The following TMC2 variants were observed in gnomAD, a reference collection of about 807,000 sequenced individuals.
TMC2 encodes the protein transmembrane channel-like protein 2.
A neutral mutation model predicts 105.9 loss-of-function variants in TMC2; 102 were observed. That is an observed-to-expected ratio of 0.96 (90% CI 0.82 to 1.14). The LOEUF is 1.14. Ranked by LOEUF, TMC2 falls within the 50% of genes most tolerant of loss-of-function variation. TMC2 has a pLI of 0.00. For synonymous variants in TMC2, 402 were observed against 422.8 expected (o/e 0.95, Z 0.60); for missense variants, 1,093 against 1,134.3 (o/e 0.96, Z 0.52).
Position 2,541,452 on chromosome 20 carries a change from CCAA to C in TMC2, c.82+4139_82+4141del, listed in dbSNP as rs566586034. Among the ~76,000 whole-genome samples, 23 of 151,988 alleles carry C rather than the reference CCAA, an allele frequency of 1.5e-4. No individual in the cohort carries two copies. In the East Asian group the frequency reaches 4.3e-3, roughly 28 times the overall value. On this transcript the variant is annotated intron_variant, in intron 2 of 19. Coordinates refer to ENST00000358864, the MANE Select transcript of TMC2 (RefSeq NM_080751.3). ...GGTCAGGAGTTTGAGACCAGCCTGG[CCAA>C]CATGGCAAAACCCCTTCTCTGCTAA...
At chr20:2,554,898 C>T (rs1275748221) in intron 2 of TMC2, among the ~76,000 whole-genome samples, 2 of 152,120 alleles carry the variant, frequency 1.3e-5, no homozygotes, top group Non-Finnish European at 2.9e-5. Flanking sequence ...TGAGAAGGAT[C>T]TGTTGTTGTT....
intron 4 of TMC2, among the ~76,000 whole-genome samples, chr20:2,564,878 T>C (rs1255521339): frequency 6.6e-6 from 1 of 152,176 alleles, no homozygotes; most frequent in Non-Finnish European, 1.5e-5. Context: ...GCTTCTTCCC[T>C]TCCCCAAGGC....
At chr20:2,596,988 T>C (rs2086312808) in intron 9 of TMC2, among the ~76,000 whole-genome samples, 163 bp from the exon 10 acceptor site, 1 of 152,158 alleles carries the variant, frequency 6.6e-6, no homozygotes, top group South Asian at 2.1e-4. Flanking sequence ...CTGGCTATCC[T>C]CAAAGCTGTC....
At chr20:2,594,510 G>T (rs978304451) in intron 8 of TMC2, among the ~76,000 whole-genome samples, 2 of 152,150 alleles carry the variant, frequency 1.3e-5, no homozygotes, top group Admixed American at 1.3e-4. Flanking sequence ...TTACGGGCGT[G>T]AGCCACAGTG....
intron 11 of TMC2, among the ~76,000 whole-genome samples, chr20:2,606,197 A>C (rs1187678756): frequency 6.6e-6 from 1 of 152,212 alleles, no homozygotes; most frequent in African/African-American, 2.4e-5. Flanking sequence ...CATTAACTTT[A>C]CTTAAGAATA....
intron 9 of TMC2, among the ~76,000 whole-genome samples, chr20:2,596,033 C>T (rs886845400): frequency 1.3e-5 from 2 of 152,106 alleles, no homozygotes; most frequent in South Asian, 2.1e-4. Context: ...TGCTCTCACC[C>T]CAGATAAGTA....
At chr20:2,559,878 G>A (rs1048271334) in intron 3 of TMC2, among the ~76,000 whole-genome samples, 3 of 152,096 alleles carry the variant, frequency 2.0e-5, no homozygotes, top group African/African-American at 7.2e-5. Flanking sequence ...ACTTTAGAGG[G>A]AGCCTGTACC....
At chr20:2,572,100 G>A (rs940726780) in intron 4 of TMC2, 79 bp from the exon 5 acceptor site, 3 of 1,051,274 alleles carry the variant, frequency 2.9e-6, no homozygotes, top group African/African-American at 3.2e-5. Context: ...CTTCACACAT[G>A]TGTTTGAGGC....
intron 11 of TMC2, among the ~76,000 whole-genome samples, chr20:2,603,143 G>C (rs965936526): frequency 2.6e-5 from 4 of 151,328 alleles, no homozygotes; most frequent in Admixed American, 6.6e-5. Context: ...CCAATAGCCA[G>C]TAAACCACCA....
chr20:2,598,385 T>C (rs2086324392), intron 10 of TMC2, among the ~76,000 whole-genome samples: 1 of 141,836 alleles, frequency 7.1e-6, no homozygotes, highest in Non-Finnish European at 1.5e-5. Flanking sequence ...TTCACAGACC[T>C]TGCCTCTACT....
At position 2,602,138 on chromosome 20, in the gene TMC2, G is replaced by C. The variant is rs1214578567; in HGVS notation, c.1250G>C (p.Ser417Thr). 6.2e-7 allele frequency: 1 copy of C among 1,611,780 alleles called. No homozygotes were observed. Among genetic ancestry groups the C allele is most frequent in the Admixed American group, 1.7e-5 (1 of 59,588 alleles). The change falls in exon 11 of 20, where the codon AGT (serine) becomes ACT (threonine). Residue 417 changes from serine to threonine, a missense_variant. Physicochemically the swap from Ser to Thr is moderately conservative, Grantham distance 58. Transcript: ENST00000358864. ...GAATCAATAGTGGATGAACAAGAGA[G>C]TAACAAAGAAGAAAATATCCATCTG... ...FKESIVDEQE[S>T]NKEENIHLTR... is the part of the protein sequence containing the mutation.
intron 4 of TMC2, among the ~76,000 whole-genome samples, chr20:2,565,764 G>T (rs1014217732): frequency 2.0e-5 from 3 of 152,166 alleles, no homozygotes; most frequent in African/African-American, 7.2e-5. Flanking sequence ...CTAGTGCTGG[G>T]TGTGGTGGCT....
intron 10 of TMC2, among the ~76,000 whole-genome samples, chr20:2,597,853 T>C (rs1410651073): frequency 6.6e-6 from 1 of 152,068 alleles, no homozygotes; most frequent in Non-Finnish European, 1.5e-5. Flanking sequence ...GTGCTGCCTG[T>C]TTCTACGTGA....
chr20:2,543,335 C>A (rs2085903717), intron 2 of TMC2, among the ~76,000 whole-genome samples: 1 of 152,206 alleles, frequency 6.6e-6, no homozygotes, highest in Admixed American at 6.5e-5. Context: ...CAAAACCGAT[C>A]TATTGCTTAT....
At chr20:2,548,500 T>C (rs1467182626) in intron 2 of TMC2, among the ~76,000 whole-genome samples, 1 of 151,912 alleles carries the variant, frequency 6.6e-6, no homozygotes, top group Admixed American at 6.6e-5. Flanking sequence ...TAGCTGGGTG[T>C]GGTGGAGCAT....
intron 13 of TMC2, 63 bp downstream of exon 13, chr20:2,612,403 G>T (rs1301833602): frequency 7.2e-7 from 1 of 1,389,336 alleles, no homozygotes; most frequent in Non-Finnish European, 9.5e-7. Context: ...TTCCCTCCTT[G>T]ATGTTTCCAT....
At position 2,617,469 on chromosome 20, in the gene TMC2, G is replaced by A. The variant is rs2086493209; in HGVS notation, c.2180+158G>A. ...GCCATTTAAGAGGGTTTTCTGCCAG[G>A]ATGGAAATGTTAGGTCGTTCTGTGT... On this transcript the variant is annotated intron_variant, in intron 16 of 19. Transcript: ENST00000358864. 7 of 994,530 alleles carry A rather than the reference G, an allele frequency of 7.0e-6. No individual in the cohort carries two copies. The East Asian group carries it at 1.6e-4, about 22-fold the overall frequency. The allele number at this position is 994,530 out of a possible 1,614,324, so 61.6% of individuals were successfully genotyped here. A position where few individuals can be genotyped will look rare whatever the true frequency, so the allele number is the denominator to read the frequency against.
At position 2,615,828 on chromosome 20, in the gene TMC2, C is replaced by T. The variant is rs578158226; in HGVS notation, c.1873-309C>T. On this transcript the variant is annotated intron_variant, in intron 14 of 19. Transcript: ENST00000358864. Reference sequence around the variant, plus strand: ...CGTTGATAAAATGTTCTGTTAGAGGCGAGGGTCTTCCCAAGAACACGCTGT... The same window carrying T: ...CGTTGATAAAATGTTCTGTTAGAGGTGAGGGTCTTCCCAAGAACACGCTGT... Among the ~76,000 whole-genome samples the T allele has an allele frequency of 1.5e-4, 23 of 152,178 alleles. No individual in the cohort carries two copies. In the South Asian group the frequency reaches 1.7e-3, roughly 11 times the overall value.
rs373875887 is a variant in TMC2, at chr20:2,641,053, C to T, written c.2504-81C>T. On this transcript the variant is annotated intron_variant, in intron 19 of 19. Coordinates refer to ENST00000358864, the MANE Select transcript of TMC2 (RefSeq NM_080751.3). ...AAATAGGACTAAAACCTACACACAC[C>T]GCAGGGCGACTCCAGAGAGCTCCAA... 6.2e-4 allele frequency: 774 copies of T among 1,248,388 alleles called. 2 individuals are homozygous for T. Among genetic ancestry groups the T allele is most frequent in the Non-Finnish European group, 8.1e-4 (695 of 858,716 alleles). The allele number at this position is 1,248,388 out of a possible 1,614,324, so 77.3% of individuals were successfully genotyped here.
Sources: allele counts gnomAD v4.1 joint callset (sites outside exome capture counted in the v4.1 genomes callset), GRCh38; gene constraint gnomAD v4.1.1; transcripts MANE v1.5; gene names NCBI Gene and HGNC (gene_info 2026-07-23, HGNC 2026-07-21).